MAP3K4: variants seen among roughly 807,000 people sequenced by gnomAD.
MAP3K4 encodes MAP three kinase 1.
A neutral mutation model predicts 185.6 loss-of-function variants in MAP3K4; 67 were observed. The ratio of observed to expected loss-of-function variants is 0.36; its 90% confidence interval spans 0.30 to 0.44. MAP3K4 has a LOEUF of 0.44. MAP3K4 is among the 20% of genes least tolerant of loss of function. The probability of loss-of-function intolerance (pLI) is 1.00; values close to 1 mark genes in which losing one functional copy is unlikely to be tolerated. For synonymous variants in MAP3K4, 702 were observed against 710.4 expected (o/e 0.99, Z 0.19); for missense variants, 1,551 against 1,995.1 (o/e 0.78, Z 4.24).
chr6:161,096,933 G>A lies in MAP3K4; in HGVS notation c.3428-147G>A, dbSNP rs1777599459. On this transcript the variant is annotated intron_variant, in intron 15 of 26. Coordinates refer to ENST00000392142, the MANE Select transcript of MAP3K4 (RefSeq NM_005922.4). This position sits in a 1 kb window ranked among gnomAD's most constrained non-coding sequence, Gnocchi z 4.9. The stretch of plus-strand genomic sequence containing the variant: ...GACATTTTCCATAATATTTGTATAT[G>A]TAATATTATTTTTTACTTATATAAA... 1 of 560,640 alleles carries A rather than the reference G, an allele frequency of 1.8e-6. No homozygotes were observed. The highest frequency in any genetic ancestry group is 2.8e-5 in the South Asian group (1 of 35,320). 34.7% of individuals were successfully genotyped at this position (560,640 alleles called of 1,614,324 possible).
intron 11 of MAP3K4, among the ~76,000 whole-genome samples, chr6:161,089,997 C>G (rs1041992586): frequency 1.3e-5 from 2 of 152,148 alleles, no homozygotes; most frequent in African/African-American, 2.4e-5. Context: ...TTGACACTTT[C>G]TATTTTGTAT....
In MAP3K4 at chr6:161,056,025, T is replaced by A. The variant is rs1033455096; in HGVS notation, c.1707+6046T>A. On this transcript the variant is annotated intron_variant, in intron 3 of 26. Coordinates refer to ENST00000392142, the MANE Select transcript of MAP3K4 (RefSeq NM_005922.4). The surrounding 1 kb of genome is among the most constrained non-coding windows in gnomAD (Gnocchi z 5.4). Reference sequence around the variant, plus strand: ...AGTATGGACTCATAAATGTTTGCTGTTGTTTTTACTTTGAATTATAATCCA... The same window carrying A: ...AGTATGGACTCATAAATGTTTGCTGATGTTTTTACTTTGAATTATAATCCA... Among the ~76,000 whole-genome samples, 2 of 152,226 alleles carry A rather than the reference T, an allele frequency of 1.3e-5. No homozygotes were observed. The highest frequency in any genetic ancestry group is 2.9e-5 in the Non-Finnish European group (2 of 68,044).
chr6:160,999,176 T>C (rs1003829173), intron 1 of MAP3K4, among the ~76,000 whole-genome samples: 2 of 152,202 alleles, frequency 1.3e-5, no homozygotes, highest in African/African-American at 4.8e-5. Flanking sequence ...GTGGAAGCTT[T>C]TTTGTGTGTG....
chr6:161,098,471 C>T lies in MAP3K4; in HGVS notation c.3674+44C>T. 6.3e-7 allele frequency: 1 copy of T among 1,580,948 alleles called. No individual in the cohort carries two copies. Among genetic ancestry groups the T allele is most frequent in the South Asian group, 1.1e-5 (1 of 87,206 alleles). On this transcript the variant is annotated intron_variant, in intron 17 of 26. Coordinates refer to ENST00000392142, the MANE Select transcript of MAP3K4 (RefSeq NM_005922.4). The surrounding 1 kb of genome is among the most constrained non-coding windows in gnomAD (Gnocchi z 4.4). ...TGTCCCGTACCCTCACCACCCCTTACATGCGCTTACACAGCAACCATAGTG... is the reference window on the plus strand; with the variant it reads ...TGTCCCGTACCCTCACCACCCCTTATATGCGCTTACACAGCAACCATAGTG...
chr6:161,055,779 T>G (rs1425921209), intron 3 of MAP3K4, among the ~76,000 whole-genome samples: 2 of 152,208 alleles, frequency 1.3e-5, no homozygotes, highest in Admixed American at 1.3e-4. Flanking sequence ...GATGTTAACC[T>G]TGATCACTTG....
chr6:161,035,767 CATTAG>C (rs1783136862), intron 2 of MAP3K4, among the ~76,000 whole-genome samples: 1 of 152,190 alleles, frequency 6.6e-6, no homozygotes, highest in African/African-American at 2.4e-5. Context: ...ACTGAATCAA[CATTAG>C]TTAATAAATA....
chr6:160,993,333 G>A (rs1421915642), intron 1 of MAP3K4, among the ~76,000 whole-genome samples: 2 of 152,078 alleles, frequency 1.3e-5, no homozygotes, highest in African/African-American at 2.4e-5. Flanking sequence ...ATTTGTTAAC[G>A]GATCAGTTTT....
intron 1 of MAP3K4, among the ~76,000 whole-genome samples, chr6:161,006,961 A>G (rs1394339146): frequency 6.6e-6 from 1 of 152,204 alleles, no homozygotes; most frequent in African/African-American, 2.4e-5. Flanking sequence ...AAATATCCCT[A>G]TTATAACCCA....
At position 161,097,439 on chromosome 6, in the gene MAP3K4, G is replaced by A. The variant is rs898535872; in HGVS notation, c.3524+263G>A. Among the ~76,000 whole-genome samples the A allele has an allele frequency of 1.3e-5, 2 of 152,196 alleles. No individual in the cohort carries two copies. Among genetic ancestry groups the A allele is most frequent in the Non-Finnish European group, 2.9e-5 (2 of 68,034 alleles). The stretch of plus-strand genomic sequence containing the variant: ...TCAAGCTACTACATGCTTTCTGGCT[G>A]TGGAGTCATTTTTTCCTTTCCTGCC... On this transcript the variant is annotated intron_variant, in intron 16 of 26. Coordinates refer to ENST00000392142, the MANE Select transcript of MAP3K4 (RefSeq NM_005922.4). The surrounding 1 kb of genome is among the most constrained non-coding windows in gnomAD (Gnocchi z 4.9).
chr6:161,027,760 A>C (rs1014698669), intron 1 of MAP3K4, among the ~76,000 whole-genome samples: 4 of 152,262 alleles, frequency 2.6e-5, no homozygotes. Context: ...CAGTTTAACA[A>C]ACCATACCAA....
At position 161,008,799 on chromosome 6, in the gene MAP3K4, A is replaced by G. The variant is rs1030396089; in HGVS notation, c.152+16716A>G. On this transcript the variant is annotated intron_variant, in intron 1 of 26. Transcript: ENST00000392142. The surrounding 1 kb of genome is among the most constrained non-coding windows in gnomAD (Gnocchi z 4.1). Reference sequence around the variant, plus strand: ...TGACATTTACTGATATTTTACATCTACTACTTTCACTCAGCATGGTGCTTG... The same window carrying G: ...TGACATTTACTGATATTTTACATCTGCTACTTTCACTCAGCATGGTGCTTG... Among the ~76,000 whole-genome samples, 2 of 152,086 alleles carry G rather than the reference A, an allele frequency of 1.3e-5. No homozygotes were observed. Among genetic ancestry groups the G allele is most frequent in the African/African-American group, 4.8e-5 (2 of 41,406 alleles).
Position 161,061,464 on chromosome 6 carries a change from C to T in MAP3K4, c.1708-9144C>T, listed in dbSNP as rs1044425162. ...ATAATAGCTTTATTGAGATATAATTCACTTAGCATAAAATTCACCATTTAA... is the reference window on the plus strand; with the variant it reads ...ATAATAGCTTTATTGAGATATAATTTACTTAGCATAAAATTCACCATTTAA... On this transcript the variant is annotated intron_variant, in intron 3 of 26. Coordinates refer to ENST00000392142, the MANE Select transcript of MAP3K4 (RefSeq NM_005922.4). This position sits in a 1 kb window ranked among gnomAD's most constrained non-coding sequence, Gnocchi z 4.2. Among the ~76,000 whole-genome samples the T allele has an allele frequency of 2.6e-5, 4 of 152,170 alleles. No homozygotes were observed. The highest frequency in any genetic ancestry group is 2.6e-4 in the Admixed American group (4 of 15,278).
At position 161,048,219 on chromosome 6, in the gene MAP3K4, A is replaced by C. The variant is rs548075670; in HGVS notation, c.344-397A>C. The stretch of plus-strand genomic sequence containing the variant: ...TACACATTTAGCTAATGACAAATGC[A>C]GGAATTAAATATATTTTCTCATCCA... On this transcript the variant is annotated intron_variant, in intron 2 of 26. Transcript: ENST00000392142. The surrounding 1 kb of genome is among the most constrained non-coding windows in gnomAD (Gnocchi z 4.7). The C allele has an allele frequency of 1.9e-6, 1 of 532,626 alleles. No homozygotes were observed. Among genetic ancestry groups the C allele is most frequent in the East Asian group, 5.5e-5 (1 of 18,312 alleles). 33.0% of individuals were successfully genotyped at this position (532,626 alleles called of 1,614,324 possible). A position where few individuals can be genotyped will look rare whatever the true frequency, so the allele number is the denominator to read the frequency against.
intron 1 of MAP3K4, among the ~76,000 whole-genome samples, chr6:161,000,632 A>C (rs1781221931): frequency 1.3e-5 from 2 of 152,152 alleles, no homozygotes; most frequent in Non-Finnish European, 2.9e-5. Flanking sequence ...CCTGTGTTTA[A>C]AATTTTTCAC....
intron 3 of MAP3K4, among the ~76,000 whole-genome samples, chr6:161,059,539 T>C (rs1353640012): frequency 2.0e-5 from 3 of 152,234 alleles, no homozygotes; most frequent in Non-Finnish European, 4.4e-5. Flanking sequence ...TCATTTTCTG[T>C]TAGGCTGCCT....
At chr6:161,006,163 A>G (rs144687740) in intron 1 of MAP3K4, among the ~76,000 whole-genome samples, 105 of 152,344 alleles carry the variant, frequency 6.9e-4, no homozygotes, top group African/African-American at 2.4e-3. Flanking sequence ...GTGAATTTGA[A>G]TTCTGAAACT....
rs753703196 is a variant in MAP3K4, at chr6:161,091,433, C to T, written c.3028C>T (p.His1010Tyr). ...AAGCAATGCCATTGACCGCGTGGAC[C>T]ACATGTTCACATCAGAATTTGATGC... ...RISNAIDRVDHMFTSEFDAEV... is the reference protein window; with the variant it reads ...RISNAIDRVDYMFTSEFDAEV... Residue 1010 changes from histidine to tyrosine, a missense_variant, in exon 12 of 27, where the codon CAC becomes TAC. His to Tyr is a moderately conservative substitution (Grantham distance 83, BLOSUM62 2). Transcript: ENST00000392142. This position sits in a 1 kb window ranked among gnomAD's most constrained non-coding sequence, Gnocchi z 5.5. The T allele has an allele frequency of 7.4e-6, 12 of 1,613,726 alleles. No homozygotes were observed. The highest frequency in any genetic ancestry group is 2.2e-5 in the South Asian group (2 of 91,056).
In MAP3K4 at chr6:161,109,334, AG is replaced by A. The variant is rs1222963853; in HGVS notation, c.4237-420del. Among the ~76,000 whole-genome samples, 1 of 152,188 alleles carries A rather than the reference AG, an allele frequency of 6.6e-6. No individual in the cohort carries two copies. Among genetic ancestry groups the A allele is most frequent in the Admixed American group, 6.5e-5 (1 of 15,278 alleles). On this transcript the variant is annotated intron_variant, in intron 22 of 26. Transcript: ENST00000392142. The surrounding 1 kb of genome is among the most constrained non-coding windows in gnomAD (Gnocchi z 5.7). ...GATAACTTGGAGCATCGTGGTGTAG[AG>A]CATGAGCTTCCAGGGGAAGTTGGAA...
At chr6:161,021,233 C>G (rs757096432) in intron 1 of MAP3K4, among the ~76,000 whole-genome samples, 4 of 152,332 alleles carry the variant, frequency 2.6e-5, no homozygotes, top group Admixed American at 6.5e-5. Flanking sequence ...TCTTTTCCCT[C>G]TGTTAGCTAC....
Sources: allele counts gnomAD v4.1 joint callset (sites outside exome capture counted in the v4.1 genomes callset), GRCh38; gene constraint gnomAD v4.1.1; non-coding constraint Gnocchi (gnomAD v3.1); transcripts MANE v1.5; gene names NCBI Gene and HGNC (gene_info 2026-07-23, HGNC 2026-07-21).